LRRFIP2: variants seen among roughly 807,000 people sequenced by gnomAD.
The protein encoded by LRRFIP2 is LRR binding FLII interacting protein 2.
A neutral mutation model predicts 125.9 loss-of-function variants in LRRFIP2; 109 were observed. That is an observed-to-expected ratio of 0.87 (90% confidence interval 0.74 to 1.01). The LOEUF (loss-of-function observed/expected upper bound fraction) is 1.01. Among genes scored for constraint, LRRFIP2 ranks in the 50% least tolerant of loss-of-function variants. LRRFIP2 has a pLI of 0.00. For missense variants in LRRFIP2, 850 were observed against 862.3 expected, an observed-to-expected ratio of 0.99 and a Z score of 0.18; for synonymous variants, 291 against 293.1, an observed-to-expected ratio of 0.99 and a Z score of 0.07.
intron 19 of LRRFIP2, among the ~76,000 whole-genome samples, chr3:37,077,860 G>A (rs1454517880): frequency 2.6e-5 from 4 of 152,138 alleles, no homozygotes; most frequent in African/African-American, 9.7e-5. Flanking sequence ...ACATGGATGA[G>A]CCTTAGGACA....
At chr3:37,054,898 G>A (rs896853978) in intron 26 of LRRFIP2, among the ~76,000 whole-genome samples, 188 bp downstream of exon 26, 3 of 152,106 alleles carry the variant, frequency 2.0e-5, no homozygotes, top group African/African-American at 7.2e-5. Context: ...GATAGCTATA[G>A]TTTCCTATGG....
intron 6 of LRRFIP2, among the ~76,000 whole-genome samples, chr3:37,120,354 C>G (rs1004791713): frequency 6.6e-6 from 1 of 152,066 alleles, no homozygotes; most frequent in Non-Finnish European, 1.5e-5. Context: ...ATCCACCCGC[C>G]TTGGCCTCCC....
At chr3:37,063,689 T>C (rs1487538152) in intron 24 of LRRFIP2, 53 bp downstream of exon 24, 2 of 1,321,336 alleles carry the variant, frequency 1.5e-6, no homozygotes, top group Non-Finnish European at 1.1e-6. Flanking sequence ...AGCCAGTATT[T>C]TACCATGTAA....
At chr3:37,153,172 G>T (rs1451529583) in intron 1 of LRRFIP2, among the ~76,000 whole-genome samples, 1 of 152,206 alleles carries the variant, frequency 6.6e-6, no homozygotes, top group African/African-American at 2.4e-5. Flanking sequence ...TGAATCAGGA[G>T]AACTGCTTGA....
At chr3:37,167,335 C>T (rs918098530) in intron 1 of LRRFIP2, among the ~76,000 whole-genome samples, 1 of 151,932 alleles carries the variant, frequency 6.6e-6, no homozygotes, top group Non-Finnish European at 1.5e-5. Context: ...TAAAAATAAT[C>T]GATTTTTTTG....
At chr3:37,088,772 G>GA (rs1409029288) in intron 18 of LRRFIP2, among the ~76,000 whole-genome samples, 1 of 151,982 alleles carries the variant, frequency 6.6e-6, no homozygotes, top group Non-Finnish European at 1.5e-5. Context: ...ACTCCAGCTT[G>GA]AGTGACAGAG....
chr3:37,054,801 TG>T (rs2086333944), intron 26 of LRRFIP2, among the ~76,000 whole-genome samples: 1 of 152,242 alleles, frequency 6.6e-6, no homozygotes. Flanking sequence ...AGACACTAAA[TG>T]GAAAAGTTCT....
At chr3:37,127,841 G>A (rs9812803) in intron 3 of LRRFIP2, among the ~76,000 whole-genome samples, 161 bp from the exon 4 acceptor site, 1,902 of 152,300 alleles carry the variant, frequency 0.012, 42 homozygotes, top group African/African-American at 0.043. Flanking sequence ...ATGTTCAATA[G>A]TAAGAGATGC....
chr3:37,160,051 G>A (rs77930325), intron 1 of LRRFIP2, among the ~76,000 whole-genome samples: 2,262 of 123,836 alleles, frequency 0.018, 61 homozygotes, highest in Middle Eastern at 0.065. Context: ...TAAGTAGTTA[G>A]ACCTCCAGGT....
intron 8 of LRRFIP2, among the ~76,000 whole-genome samples, chr3:37,111,341 A>C (rs1425488011): frequency 6.6e-6 from 1 of 152,214 alleles, no homozygotes; most frequent in Non-Finnish European, 1.5e-5. Context: ...GCCATACTTA[A>C]GAAAGTCCTT....
chr3:37,123,018 C>T (rs1367542697), intron 4 of LRRFIP2, among the ~76,000 whole-genome samples: 1 of 152,182 alleles, frequency 6.6e-6, no homozygotes, highest in Non-Finnish European at 1.5e-5. Context: ...TGTATTTTTG[C>T]AAAATGAATC....
At chr3:37,124,837 T>G (rs2095213766) in intron 4 of LRRFIP2, among the ~76,000 whole-genome samples, 1 of 152,184 alleles carries the variant, frequency 6.6e-6, no homozygotes, top group East Asian at 1.9e-4. Context: ...GCCAGGTATT[T>G]CTAGAGCACT....
At chr3:37,059,093 G>A (rs745424861) in intron 24 of LRRFIP2, among the ~76,000 whole-genome samples, 183 bp from the exon 25 acceptor site, 6 of 152,142 alleles carry the variant, frequency 3.9e-5, no homozygotes, top group Non-Finnish European at 7.4e-5. Context: ...GATAAGCTAC[G>A]AACAAACATC....
chr3:37,108,017 A>G, intron 13 of LRRFIP2, 56 bp downstream of exon 13: 1 of 1,399,100 alleles, frequency 7.1e-7, no homozygotes, highest in Non-Finnish European at 1.0e-6. Context: ...CAGTGAGTAC[A>G]GATTAACGCA....
chr3:37,144,840 A>G (rs2095816740), intron 2 of LRRFIP2, among the ~76,000 whole-genome samples: 1 of 152,196 alleles, frequency 6.6e-6, no homozygotes, highest in African/African-American at 2.4e-5. Context: ...ATAATGTACA[A>G]TTTGGGCCTT....
At chr3:37,112,869 C>T in intron 8 of LRRFIP2, 46 bp downstream of exon 8, 1 of 1,119,630 alleles carries the variant, frequency 8.9e-7, no homozygotes, top group African/African-American at 1.5e-5. Context: ...CCTTAAGTTC[C>T]TAACAGTACT....
At chr3:37,154,606 T>C (rs1424581781) in intron 1 of LRRFIP2, 1 of 152,238 alleles carries the variant, frequency 6.6e-6, no homozygotes, top group Non-Finnish European at 1.5e-5. Context: ...ATGACATATT[T>C]TACTTACAGA....
At chr3:37,077,120 T>TTA (rs1576177477) in intron 19 of LRRFIP2, among the ~76,000 whole-genome samples, 2 of 152,288 alleles carry the variant, frequency 1.3e-5, no homozygotes. Context: ...GGTATAATGC[T>TTA]TACAAAGGAG....
intron 11 of LRRFIP2, among the ~76,000 whole-genome samples, 180 bp downstream of exon 11, chr3:37,109,347 T>C (rs1331836226): frequency 6.6e-6 from 1 of 152,200 alleles, no homozygotes; most frequent in African/African-American, 2.4e-5. Flanking sequence ...GAAAGGAATA[T>C]GTTCATTTTT....
Sources: gnomAD v4.1 joint callset for allele counts (sites outside exome capture counted in the v4.1 genomes callset) on GRCh38, gnomAD v4.1.1 for gene constraint, MANE v1.5 for transcripts, NCBI Gene and HGNC (gene_info 2026-07-23, HGNC 2026-07-21) for gene names.